The following HNRNPH1 variants were observed in gnomAD, a reference collection of about 807,000 sequenced individuals.
The protein encoded by HNRNPH1 is heterogeneous nuclear ribonucleoprotein H.
A neutral mutation model predicts 58.6 loss-of-function variants in HNRNPH1; 4 were observed. The ratio of observed to expected loss-of-function variants is 0.07; its 90% CI spans 0.03 to 0.16. The LOEUF is 0.16. HNRNPH1 is among the 10% of genes least tolerant of loss of function. The pLI is 1.00. For missense variants in HNRNPH1, 271 were observed against 564.2 expected (o/e 0.48, Z 5.26); for synonymous variants, 192 against 189.2 (o/e 1.01, Z -0.12).
intron 1 of HNRNPH1, 200 bp from the exon 3 acceptor site, chr5:179,621,597 C>G (rs1772362939): frequency 1.7e-6 from 1 of 574,234 alleles, no homozygotes; most frequent in African/African-American, 1.9e-5. Flanking sequence ...ATTTCCAACC[C>G]ATCAACAACA....
exon 1 of HNRNPH1, chr5:179,623,238 G>C (rs926447857): frequency 3.1e-5 from 22 of 719,570 alleles, no homozygotes; most frequent in Non-Finnish European, 5.0e-5. Flanking sequence ...GCCCGGGCCC[G>C]CACCGCCCCC....
upstream of HNRNPH1, among the ~76,000 whole-genome samples, chr5:179,625,129 C>T (rs1774247575): frequency 6.6e-6 from 1 of 152,056 alleles, no homozygotes; most frequent in African/African-American, 2.4e-5. Flanking sequence ...CATACCAGGC[C>T]CTCTACTACA....
At position 179,618,069 on chromosome 5, in the gene HNRNPH1, C is replaced by CAA. The variant is rs770037548; in HGVS notation, c.716-11_716-10dup. ...ATCATAGCCTCCATAGCCTGAAAGA[C>CAA]AAAGTACAATCAATCAAATAAAACA... is the stretch of plus-strand genomic sequence containing the variant. On this transcript the variant is annotated splice_polypyrimidine_tract_variant and intron_variant, in intron 5 of 12. Transcript: ENST00000356731. The CAA allele has an allele frequency of 8.1e-6, 13 of 1,613,826 alleles. No homozygotes were observed. In the Admixed American group the frequency reaches 8.3e-5, roughly 10 times the overall value.
intron 12 of HNRNPH1, 27 bp from the exon 14 acceptor site, chr5:179,614,986 A>C (rs1768804893): frequency 7.7e-7 from 1 of 1,300,290 alleles, no homozygotes; most frequent in Non-Finnish European, 1.1e-6. Context: ...TTGACAAGTT[A>C]GGAGTAATAT....
exon 13 of HNRNPH1, chr5:179,614,780 TAAAGAAAA>T: frequency 2.5e-6 from 2 of 788,910 alleles, no homozygotes; most frequent in Non-Finnish European, 3.7e-6. Context: ...GAAGTTTTCT[TAAAGAAAA>T]AAAAAAAAAA....
chr5:179,628,514 C>G (rs1774562724), upstream of HNRNPH1, among the ~76,000 whole-genome samples: 1 of 152,138 alleles, frequency 6.6e-6, no homozygotes, highest in African/African-American at 2.4e-5. Flanking sequence ...CCACCACACC[C>G]AGCTAATTTT....
intron 12 of HNRNPH1, chr5:179,615,287 T>TA (rs1053266367): frequency 5.8e-5 from 26 of 444,992 alleles, no homozygotes; most frequent in Middle Eastern, 5.8e-4. Flanking sequence ...AAGGCATTTT[T>TA]AAAAAAAATT....
chr5:179,616,265 G>C (rs1581637973), intron 10 of HNRNPH1, 47 bp from the exon 12 acceptor site: 1 of 1,368,440 alleles, frequency 7.3e-7, no homozygotes, highest in East Asian at 2.3e-5. Flanking sequence ...ATGTGATGTG[G>C]TACCTGGTGG....
At chr5:179,622,743 G>C (rs938085152) in intron 1 of HNRNPH1, 3 of 152,394 alleles carry the variant, frequency 2.0e-5, no homozygotes, top group African/African-American at 7.2e-5. Context: ...TAAAAGAAAA[G>C]CTGGTGTTCA....
At chr5:179,620,851 T>C in intron 3 of HNRNPH1, 41 bp downstream of exon 4, 4 of 1,597,828 alleles carry the variant, frequency 2.5e-6, no homozygotes, top group Non-Finnish European at 3.4e-6. Flanking sequence ...TGCCATAAGC[T>C]AGCCAAAACT....
intron 2 of HNRNPH1, 81 bp downstream of exon 3, chr5:179,621,161 C>CA (rs1224409453): frequency 9.5e-5 from 144 of 1,509,084 alleles, no homozygotes; most frequent in Admixed American, 1.4e-4. Context: ...TCCATGCAGT[C>CA]AAATACCTAA....
chr5:179,616,022 T>C, intron 11 of HNRNPH1, 104 bp downstream of exon 12: 2 of 1,010,602 alleles, frequency 2.0e-6, no homozygotes, highest in Middle Eastern at 2.1e-4. Context: ...TGCCTGCGAC[T>C]TACTCTAAGT....
chr5:179,617,483 T>A, intron 8 of HNRNPH1, 31 bp downstream of exon 9: 1 of 1,607,386 alleles, frequency 6.2e-7, no homozygotes, highest in East Asian at 2.2e-5. Context: ...AATCACCTGT[T>A]AAGAGCCCAC....
intron 2 of HNRNPH1, among the ~76,000 whole-genome samples, chr5:179,632,032 C>T (rs1774869199): frequency 6.6e-6 from 1 of 151,116 alleles, no homozygotes; most frequent in South Asian, 2.1e-4. Flanking sequence ...CTCGGCCGGG[C>T]GCGGCGGCTC....
exon 13 of HNRNPH1, chr5:179,614,784 GAA>G (rs35827689): frequency 0.24 from 106,124 of 437,438 alleles, 5,491 homozygotes; most frequent in Non-Finnish European, 0.28. Flanking sequence ...TTTTCTTAAA[GAA>G]AAAAAAAAAA....
intron 10 of HNRNPH1, 52 bp from the exon 12 acceptor site, chr5:179,616,270 T>G: frequency 2.3e-6 from 3 of 1,325,928 alleles, no homozygotes; most frequent in Non-Finnish European, 3.3e-6. Context: ...ATGTGGTACC[T>G]GGTGGTACCG....
At chr5:179,631,742 C>CAA (rs199791763) in intron 2 of HNRNPH1, among the ~76,000 whole-genome samples, 1 of 148,470 alleles carries the variant, frequency 6.7e-6, no homozygotes, top group African/African-American at 2.5e-5. Flanking sequence ...AGCAAGACCT[C>CAA]AAAAAAAAAA....
At chr5:179,632,440 G>A (rs1774921289) in intron 2 of HNRNPH1, among the ~76,000 whole-genome samples, 1 of 152,224 alleles carries the variant, frequency 6.6e-6, no homozygotes. Flanking sequence ...CTCCGCCTTC[G>A]CTGGAGCCCC....
chr5:179,620,564 G>A (rs1430998829), intron 3 of HNRNPH1: 1 of 235,678 alleles, frequency 4.2e-6, no homozygotes, highest in Non-Finnish European at 8.5e-6. Context: ...CTGATGATCT[G>A]CTGGTAAAGG....
Sources: allele counts gnomAD v4.1 joint callset (sites outside exome capture counted in the v4.1 genomes callset), GRCh38; gene constraint gnomAD v4.1.1; transcripts MANE v1.5; gene names NCBI Gene and HGNC (gene_info 2026-07-23, HGNC 2026-07-21).